IFT88: variants seen among roughly 807,000 people sequenced by gnomAD.
The protein encoded by IFT88 is intraflagellar transport protein 88 homolog.
In IFT88, 74 loss-of-function variants were observed where a neutral mutation model predicts 119.5. That is an observed-to-expected ratio of 0.62 (90% CI 0.51 to 0.75). IFT88 has a LOEUF of 0.75. Ranked by LOEUF, IFT88 falls within the 30% of genes least tolerant of loss-of-function variation. The pLI is 0.00. For synonymous variants in IFT88, 279 were observed against 316.7 expected (o/e 0.88, Z 1.26); for missense variants, 961 against 977.7 (o/e 0.98, Z 0.23).
intron 3 of IFT88, among the ~76,000 whole-genome samples, chr13:20,584,550 TACTC>T (rs1193648417): frequency 2.0e-5 from 3 of 152,216 alleles, no homozygotes; most frequent in South Asian, 2.1e-4. Context: ...TATTAATTAA[TACTC>T]AATTAATTTT....
At chr13:20,630,901 C>T in intron 15 of IFT88, 115 bp from the exon 16 acceptor site, 2 of 551,476 alleles carry the variant, frequency 3.6e-6, no homozygotes, top group South Asian at 3.5e-5. Context: ...CTTAATCCAC[C>T]CCTTTTGTGC....
chr13:20,644,472 A>G (rs971189713), intron 19 of IFT88, among the ~76,000 whole-genome samples: 2 of 152,104 alleles, frequency 1.3e-5, no homozygotes, highest in Non-Finnish European at 2.9e-5. Context: ...ACTACACTCC[A>G]GGCTGGGTGA....
intron 15 of IFT88, among the ~76,000 whole-genome samples, chr13:20,630,649 G>A (rs535859481): frequency 1.3e-4 from 19 of 151,940 alleles, no homozygotes; most frequent in Non-Finnish European, 1.8e-4. Flanking sequence ...TTCTCCTGCC[G>A]TGGCCTCCCA....
intron 15 of IFT88, among the ~76,000 whole-genome samples, chr13:20,630,611 C>G (rs1046793600): frequency 6.6e-6 from 1 of 152,032 alleles, no homozygotes; most frequent in African/African-American, 2.4e-5. Flanking sequence ...TATGCCCAGT[C>G]TAGTCTCAAA....
At chr13:20,611,514 CAAAAAAAA>C (rs56062553) in intron 13 of IFT88, among the ~76,000 whole-genome samples, 1,255 of 59,074 alleles carry the variant, frequency 0.021, 25 homozygotes, top group African/African-American at 0.084. Context: ...GACCCAGTCT[CAAAAAAAA>C]AAAAAAAAAA....
chr13:20,678,482 A>T (rs1386167885), intron 24 of IFT88, among the ~76,000 whole-genome samples: 1 of 152,232 alleles, frequency 6.6e-6, no homozygotes, highest in Non-Finnish European at 1.5e-5. Context: ...ATTTTTAGCA[A>T]GGAGCAGAGA....
At chr13:20,622,732 T>G (rs757587533) in intron 14 of IFT88, among the ~76,000 whole-genome samples, 4 of 152,096 alleles carry the variant, frequency 2.6e-5, no homozygotes, top group Non-Finnish European at 5.9e-5. Flanking sequence ...TATTAATCCA[T>G]TATCAGATGC....
rs189072230 is a variant in IFT88 at position 20,626,211 on chromosome 13, C to T, written c.1299+362C>T. ...GAGTAGCTGGGACTATAAGCACCCA[C>T]CACCATGCCTGGATAATTTTTTGTA... On this transcript the variant is annotated intron_variant, in intron 15 of 25. Coordinates refer to ENST00000351808, the MANE Select transcript of IFT88 (RefSeq NM_006531.5). Among the ~76,000 whole-genome samples, 524 of 151,774 alleles carry T rather than the reference C, an allele frequency of 3.5e-3. 2 individuals are homozygous for T. The highest frequency in any genetic ancestry group is 6.0e-3 in the Non-Finnish European group (409 of 67,936).
At chr13:20,576,378 T>G (rs1013015710) in intron 2 of IFT88, among the ~76,000 whole-genome samples, 1 of 152,146 alleles carries the variant, frequency 6.6e-6, no homozygotes. Context: ...TGATGTGATC[T>G]CATTTGTCCA....
Position 20,683,191 on chromosome 13 carries a change from C to T in IFT88, c.2243-7514C>T, listed in dbSNP as rs545279150. 8.5e-5 allele frequency among the ~76,000 whole-genome samples: 13 copies of T among 152,268 alleles called. No homozygotes were observed. The East Asian group carries it at 2.3e-3, about 27-fold the overall frequency. On this transcript the variant is annotated intron_variant, in intron 24 of 25. Transcript: ENST00000351808. ...AAGCCTCCAGTTTCTCTTTACTCAG[C>T]GGCCACTGCTCTATCCAAATTGGCT...
chr13:20,603,598 T>TAAAATAGTACCTGGCAA (rs1270322369), intron 12 of IFT88, among the ~76,000 whole-genome samples: 1 of 151,914 alleles, frequency 6.6e-6, no homozygotes, highest in Non-Finnish European at 1.5e-5. Flanking sequence ...GTGAAATGCT[T>TAAAATAGTACCTGGCAA]AAAATAGTAC....
chr13:20,608,599 G>A (rs1014590714), intron 13 of IFT88, among the ~76,000 whole-genome samples: 3 of 152,186 alleles, frequency 2.0e-5, no homozygotes, highest in Non-Finnish European at 4.4e-5. Context: ...GGCGGTGCTT[G>A]AGAACGTCAG....
In IFT88 at chr13:20,647,163, A is replaced by G. The variant is rs115586512; in HGVS notation, c.1949+2205A>G. On this transcript the variant is annotated intron_variant, in intron 20 of 25. Coordinates refer to ENST00000351808, the MANE Select transcript of IFT88 (RefSeq NM_006531.5). ...TCCTAACATTTCTCTCTACTTTTCT[A>G]TAAACTTACTTCCACTTGCACCTGC... Among the ~76,000 whole-genome samples the G allele has an allele frequency of 1.8e-3, 271 of 152,298 alleles. 1 individual carries two copies. Among genetic ancestry groups the G allele is most frequent in the African/African-American group, 6.2e-3 (257 of 41,564 alleles).
intron 24 of IFT88, among the ~76,000 whole-genome samples, chr13:20,675,507 G>A (rs1321531017): frequency 1.3e-5 from 2 of 152,182 alleles, no homozygotes; most frequent in African/African-American, 2.4e-5. Flanking sequence ...GTTTGCCTAT[G>A]CCAGTATACC....
At chr13:20,647,193 A>G (rs768629386) in intron 20 of IFT88, among the ~76,000 whole-genome samples, 3 of 152,148 alleles carry the variant, frequency 2.0e-5, no homozygotes, top group Non-Finnish European at 2.9e-5. Flanking sequence ...ACCTGCTGTT[A>G]TCTCCTTCTC....
intron 14 of IFT88, 54 bp downstream of exon 14, chr13:20,615,933 ACTTT>A: frequency 2.1e-6 from 2 of 971,124 alleles, no homozygotes; most frequent in Non-Finnish European, 3.0e-6. Context: ...CATAATTTAT[ACTTT>A]TAAATTTAAA....
At chr13:20,672,097 A>G (rs2055970740) in intron 24 of IFT88, among the ~76,000 whole-genome samples, 1 of 152,198 alleles carries the variant, frequency 6.6e-6, no homozygotes, top group Non-Finnish European at 1.5e-5. Flanking sequence ...AGAAATGTAC[A>G]TGAGTTTTCA....
chr13:20,683,681 AT>A (rs1356343292), intron 24 of IFT88, among the ~76,000 whole-genome samples: 1 of 151,980 alleles, frequency 6.6e-6, no homozygotes, highest in Non-Finnish European at 1.5e-5. Flanking sequence ...CCTTTCATTC[AT>A]TTTTTTCCTT....
At chr13:20,664,332 GGAA>G (rs1180218186) in intron 23 of IFT88, among the ~76,000 whole-genome samples, 1 of 152,188 alleles carries the variant, frequency 6.6e-6, no homozygotes, top group Non-Finnish European at 1.5e-5. Context: ...ATTATGGAAA[GGAA>G]GACTGTTCTC....
Sources: allele counts gnomAD v4.1 joint callset (sites outside exome capture counted in the v4.1 genomes callset), GRCh38; gene constraint gnomAD v4.1.1; transcripts MANE v1.5; gene names NCBI Gene and HGNC (gene_info 2026-07-23, HGNC 2026-07-21).